Variants in MGST1 observed in about 807,000 individuals in gnomAD.
MGST1 encodes the protein microsomal glutathione S-transferase 1, also known as glutathione S-transferase 12.
MGST1 carries 5 observed loss-of-function variants against 8.9 expected under a neutral mutation model. The observed-to-expected ratio is 0.56, with a 90% CI of 0.29 to 1.19. The LOEUF (loss-of-function observed/expected upper bound fraction) is 1.19. Ranked by LOEUF, MGST1 falls within the 50% of genes most tolerant of loss-of-function variation. The pLI is 0.08. For missense variants in MGST1, 182 were observed against 187.4 expected, an observed-to-expected ratio of 0.97 and a Z score of 0.17; for synonymous variants, 54 against 67.8, an observed-to-expected ratio of 0.80 and a Z score of 1.00.
At chr12:16,439,384 T>C (rs891657580), downstream of MGST1, among the ~76,000 whole-genome samples, 13 of 151,874 alleles carry the variant, frequency 8.6e-5, no homozygotes, top group Non-Finnish European at 1.6e-4. Context: ...GAAAATGTCT[T>C]CTATGTTTGG....
At chr12:16,381,197 T>C (rs1437481258), downstream of MGST1, among the ~76,000 whole-genome samples, 14 of 152,200 alleles carry the variant, frequency 9.2e-5, no homozygotes, top group Admixed American at 9.2e-4. Context: ...GTTAGCTGGT[T>C]ATTTTGCTCG....
chr12:16,349,400 G>A (rs2136906300), intron 1 of MGST1, among the ~76,000 whole-genome samples: 1 of 152,228 alleles, frequency 6.6e-6, no homozygotes, highest in South Asian at 2.1e-4. Flanking sequence ...ACAGGAATGA[G>A]ATTTGACAAG....
chr12:16,532,577 T>C (rs1177634694), intron 4 of MGST1, among the ~76,000 whole-genome samples: 1 of 152,168 alleles, frequency 6.6e-6, no homozygotes, highest in African/African-American at 2.4e-5. Flanking sequence ...AACAGAATCA[T>C]AAACAGTTGA....
intron 1 of MGST1, chr12:16,400,190 T>G (rs1199478095): frequency 2.0e-6 from 2 of 1,022,302 alleles, no homozygotes; most frequent in Admixed American, 3.4e-5. Flanking sequence ...TCCGTGGTTG[T>G]CTCTCCCACT....
chr12:16,497,336 G>C lies in MGST1; in HGVS notation n.483-92192G>C, dbSNP rs1941477590. Among the ~76,000 whole-genome samples the C allele has an allele frequency of 2.0e-5, 3 of 152,230 alleles. No homozygotes were observed. Among genetic ancestry groups the C allele is most frequent in the Admixed American group, 1.3e-4 (2 of 15,256 alleles). ...TCTTTTTAATCATGGAAATGAGGTA[G>C]TGTTAATCAAGCAAAAACAAGCTAG... On this transcript the variant is annotated intron_variant and non_coding_transcript_variant, in intron 4 of 4. Transcript: ENST00000538857. This position sits in a 1 kb window ranked among gnomAD's most constrained non-coding sequence, Gnocchi z 4.4.
At chr12:16,505,046 C>G (rs1052342559) in intron 4 of MGST1, among the ~76,000 whole-genome samples, 3 of 152,240 alleles carry the variant, frequency 2.0e-5, no homozygotes, top group African/African-American at 7.2e-5. Context: ...GTTTCTGTCT[C>G]AACAAATTAT....
rs1219580418 is a variant in MGST1 at position 16,497,054 on chromosome 12, T to C, written n.483-92474T>C. ...AAAGGGAATAACTTAGATGCTGTTATCTAAGAATAAGCTTTGTCTTCTTAG... is the reference window on the plus strand; with the variant it reads ...AAAGGGAATAACTTAGATGCTGTTACCTAAGAATAAGCTTTGTCTTCTTAG... On this transcript the variant is annotated intron_variant and non_coding_transcript_variant, in intron 4 of 4. Coordinates refer to the MGST1 transcript ENST00000538857. The surrounding 1 kb of genome is among the most constrained non-coding windows in gnomAD (Gnocchi z 4.4). Among the ~76,000 whole-genome samples, 1 of 152,158 alleles carries C rather than the reference T, an allele frequency of 6.6e-6. No individual in the cohort carries two copies. Among genetic ancestry groups the C allele is most frequent in the East Asian group, 1.9e-4 (1 of 5,194 alleles).
intron 4 of MGST1, among the ~76,000 whole-genome samples, chr12:16,505,753 C>A (rs1170713604): frequency 1.3e-5 from 2 of 152,178 alleles, no homozygotes; most frequent in African/African-American, 4.8e-5. Context: ...AAGCACAGAT[C>A]TAACCTAATT....
chr12:16,395,982 CT>C (rs1174314244), intron 1 of MGST1, among the ~76,000 whole-genome samples: 7 of 152,096 alleles, frequency 4.6e-5, no homozygotes, highest in African/African-American at 1.7e-4. Flanking sequence ...AGTGGAACTG[CT>C]AGATCAAATG....
At chr12:16,454,066 G>A (rs769882882) in intron 4 of MGST1, among the ~76,000 whole-genome samples, 3 of 151,836 alleles carry the variant, frequency 2.0e-5, no homozygotes, top group Non-Finnish European at 2.9e-5. Context: ...AAACCTATAC[G>A]ACTTTCAAAT....
intron 4 of MGST1, among the ~76,000 whole-genome samples, chr12:16,577,035 A>T (rs1006095260): frequency 2.0e-5 from 3 of 152,178 alleles, no homozygotes; most frequent in Non-Finnish European, 2.9e-5. Flanking sequence ...CACCAATTCC[A>T]TCTGTCTTTG....
downstream of MGST1, among the ~76,000 whole-genome samples, chr12:16,380,656 G>T (rs28839829): frequency 6.6e-6 from 1 of 152,126 alleles, no homozygotes; most frequent in Non-Finnish European, 1.5e-5. Flanking sequence ...ATGTCTATTA[G>T]GTCTGCTTGG....
rs563513092 is a variant in MGST1, at chr12:16,547,170, G to A, written n.483-42358G>A. On this transcript the variant is annotated intron_variant and non_coding_transcript_variant, in intron 4 of 4. Transcript: ENST00000538857. This position sits in a 1 kb window ranked among gnomAD's most constrained non-coding sequence, Gnocchi z 4.6. ...AAACCCTAGGCATTCTGAAATCTTC[G>A]TTTATGATACTAATCACACAATTAC... Among the ~76,000 whole-genome samples the A allele has an allele frequency of 1.1e-4, 16 of 152,110 alleles. No homozygotes were observed. In the South Asian group the frequency reaches 2.7e-3, roughly 26 times the overall value.
At chr12:16,552,408 T>A (rs983515174) in intron 4 of MGST1, among the ~76,000 whole-genome samples, 2 of 152,010 alleles carry the variant, frequency 1.3e-5, no homozygotes, top group African/African-American at 4.8e-5. Flanking sequence ...ATAGATTAAA[T>A]TGTGTAGTGA....
At chr12:16,549,269 A>ATAGT (rs1202774487) in intron 4 of MGST1, 1 of 152,130 alleles carries the variant, frequency 6.6e-6, no homozygotes, top group Non-Finnish European at 1.5e-5. Flanking sequence ...GGCTAAAATA[A>ATAGT]TAGTTATTTT....
chr12:16,360,985 C>CT (rs201759501), intron 3 of MGST1, among the ~76,000 whole-genome samples: 1,860 of 151,738 alleles, frequency 0.012, 45 homozygotes, highest in African/African-American at 0.043. Flanking sequence ...AGTGTTCCCC[C>CT]CCTCCCCGCC....
intron 1 of MGST1, among the ~76,000 whole-genome samples, chr12:16,407,846 AC>A (rs1171336610): frequency 2.0e-5 from 3 of 152,008 alleles, no homozygotes; most frequent in African/African-American, 7.2e-5. Flanking sequence ...ATCCTGGCCA[AC>A]GTGGTGAAAC....
chr12:16,456,052 T>C (rs1434846656), intron 4 of MGST1, among the ~76,000 whole-genome samples: 1 of 151,922 alleles, frequency 6.6e-6, no homozygotes, highest in East Asian at 1.9e-4. Flanking sequence ...GTGTTCACTT[T>C]CTATGTCAAA....
At chr12:16,357,966 G>A (rs1157042824) in intron 3 of MGST1, among the ~76,000 whole-genome samples, 1 of 152,196 alleles carries the variant, frequency 6.6e-6, no homozygotes, top group Non-Finnish European at 1.5e-5. Flanking sequence ...TAATGGCAGG[G>A]AGGAGGTAAA....
Sources: allele counts gnomAD v4.1 joint callset (sites outside exome capture counted in the v4.1 genomes callset), GRCh38; gene constraint gnomAD v4.1.1; non-coding constraint Gnocchi (gnomAD v3.1); transcripts MANE v1.5; gene names NCBI Gene and HGNC (gene_info 2026-07-23, HGNC 2026-07-21).